Variants in PCDHA6 observed in about 807,000 individuals in gnomAD.
The protein encoded by PCDHA6 is protocadherin alpha 6, also known as protocadherin alpha-6.
A neutral mutation model predicts 60.3 loss-of-function variants in PCDHA6; 55 were observed. The observed-to-expected ratio is 0.91, with a 90% CI of 0.73 to 1.14. PCDHA6 has a LOEUF of 1.14. PCDHA6 is among the 50% of genes most tolerant of loss of function. The pLI is 0.00. For missense variants in PCDHA6, 1,327 were observed against 1,256.5 expected, an observed-to-expected ratio of 1.06 and a Z score of -0.85; for synonymous variants, 652 against 557.9, an observed-to-expected ratio of 1.17 and a Z score of -2.38.
At chr5:140,879,237 G>C (rs999977997) in intron 1 of PCDHA6, among the ~76,000 whole-genome samples, 14 of 152,134 alleles carry the variant, frequency 9.2e-5, no homozygotes, top group African/African-American at 3.4e-4. Context: ...TATACAAGAG[G>C]CACTGGCAAA....
rs2150184866 is a variant in PCDHA6, at chr5:140,830,316, C to G, written c.2225C>G (p.Ser742Cys). The G allele has an allele frequency of 6.2e-7, 1 of 1,613,980 alleles. No individual in the cohort carries two copies. The highest frequency in any genetic ancestry group is 2.2e-5 in the East Asian group (1 of 44,866). Residue 742 changes from serine (S) to cysteine (C), a missense_variant, in exon 1 of 4, where the codon TCC becomes TGC. Ser to Cys is a moderately radical substitution (Grantham distance 112, BLOSUM62 -1). Transcript: ENST00000529310. ...GCGGACAAGCCCACGCTGGTGTGCT[C>G]CAGCGCAGTGGGGAGCTGGTCGTAC... ...CTADKPTLVC[S>C]SAVGSWSYSQ...
intron 1 of PCDHA6, among the ~76,000 whole-genome samples, chr5:140,885,444 T>C (rs2060598536): frequency 1.3e-5 from 2 of 152,198 alleles, no homozygotes; most frequent in South Asian, 2.1e-4. Flanking sequence ...TGCAATTATA[T>C]ATTATTTACC....
At chr5:140,877,925 T>C in intron 1 of PCDHA6, 1 of 1,421,700 alleles carries the variant, frequency 7.0e-7, no homozygotes, top group Non-Finnish European at 9.2e-7. Flanking sequence ...TTTTTCTTTA[T>C]GATTCTATCC....
chr5:140,851,773 T>C lies in PCDHA6; in HGVS notation c.2394+21288T>C. On this transcript the variant is annotated intron_variant, in intron 1 of 3. Transcript: ENST00000529310. ...TAACTTAAAACATTACCCTTATGAA[T>C]TTAGATGAGAATTCACTTGTTCTGT... 11 of 967,796 alleles carry C rather than the reference T, an allele frequency of 1.1e-5. 2 individuals carry two copies. The highest frequency in any genetic ancestry group is 1.4e-5 in the Non-Finnish European group (11 of 800,744). The allele number at this position is 967,796 out of a possible 1,614,324, so 60.0% of individuals were successfully genotyped here.
intron 1 of PCDHA6, among the ~76,000 whole-genome samples, chr5:140,925,937 C>T (rs1244990026): frequency 1.4e-5 from 2 of 138,450 alleles, no homozygotes; most frequent in East Asian, 3.9e-4. Flanking sequence ...AGTAGAGCCT[C>T]TTGGAGAAGG....
chr5:140,831,485 G>A (rs1771542804), intron 1 of PCDHA6, among the ~76,000 whole-genome samples: 1 of 82,564 alleles, frequency 1.2e-5, no homozygotes, highest in Non-Finnish European at 2.3e-5. Flanking sequence ...TCAGCCTCTG[G>A]AGTTACTACA....
intron 1 of PCDHA6, chr5:140,969,174 G>A (rs777458792): frequency 6.2e-7 from 1 of 1,614,076 alleles, no homozygotes; most frequent in South Asian, 1.1e-5. Flanking sequence ...GGCTCAGGGA[G>A]TGACACTTTC....
intron 1 of PCDHA6, chr5:140,850,814 C>T: frequency 6.3e-7 from 1 of 1,598,286 alleles, no homozygotes; most frequent in South Asian, 1.1e-5. Context: ...TGGCCTTCAG[C>T]CCGGGCCTTT....
intron 1 of PCDHA6, among the ~76,000 whole-genome samples, chr5:140,923,820 CG>C (rs1297703305): frequency 6.6e-6 from 1 of 152,106 alleles, no homozygotes; most frequent in Non-Finnish European, 1.5e-5. Flanking sequence ...TGAAAATAGA[CG>C]TCAGTGGCAG....
intron 1 of PCDHA6, chr5:140,856,365 A>C: frequency 3.1e-6 from 5 of 1,598,426 alleles, no homozygotes; most frequent in Non-Finnish European, 2.6e-6. Flanking sequence ...ATCCACCTGG[A>C]GGTGATCGTG....
At chr5:140,968,041 C>T (rs1554230247) in intron 1 of PCDHA6, 1 of 1,614,140 alleles carries the variant, frequency 6.2e-7, no homozygotes, top group Non-Finnish European at 8.5e-7. Context: ...TGGTGAGCGG[C>T]CCACTGGACC....
At chr5:140,967,671 A>G in intron 1 of PCDHA6, 1 of 1,614,130 alleles carries the variant, frequency 6.2e-7, no homozygotes, top group Non-Finnish European at 8.5e-7. Context: ...TACACGTCGG[A>G]CCGGGAGAGG....
intron 3 of PCDHA6, among the ~76,000 whole-genome samples, chr5:140,985,169 C>G (rs1169892350): frequency 6.6e-6 from 1 of 152,122 alleles, no homozygotes; most frequent in Non-Finnish European, 1.5e-5. Flanking sequence ...AATCTCCTGA[C>G]CTCGTAATCC....
chr5:140,857,255 T>C (rs1307623486), intron 1 of PCDHA6: 1 of 1,598,356 alleles, frequency 6.3e-7, no homozygotes, highest in Non-Finnish European at 8.6e-7. Context: ...CTACAAGAAT[T>C]ACTACTCATT....
At chr5:141,000,095 T>G (rs1299354306) in intron 3 of PCDHA6, among the ~76,000 whole-genome samples, 1 of 152,044 alleles carries the variant, frequency 6.6e-6, no homozygotes, top group Non-Finnish European at 1.5e-5. Flanking sequence ...TGAATGGAGC[T>G]CAACTCCGTC....
chr5:140,836,011 C>A (rs2150250556), intron 1 of PCDHA6: 3 of 1,613,394 alleles, frequency 1.9e-6, no homozygotes, highest in Non-Finnish European at 8.5e-7. Flanking sequence ...GCGGGCGTGC[C>A]GCCTCTGGGC....
chr5:140,837,669 T>C (rs1554136589), intron 1 of PCDHA6, among the ~76,000 whole-genome samples: 1 of 151,640 alleles, frequency 6.6e-6, no homozygotes, highest in African/African-American at 2.4e-5. Context: ...CTTTCATTCT[T>C]TTTCTTTTTT....
At chr5:140,997,406 C>T (rs2097769706) in intron 3 of PCDHA6, among the ~76,000 whole-genome samples, 1 of 152,094 alleles carries the variant, frequency 6.6e-6, no homozygotes, top group Admixed American at 6.6e-5. Flanking sequence ...TATCGTATGG[C>T]CTATTTCTCC....
intron 1 of PCDHA6, chr5:140,883,058 C>T (rs782098362): frequency 6.2e-7 from 1 of 1,614,074 alleles, no homozygotes; most frequent in Admixed American, 1.7e-5. Flanking sequence ...AGTGATCAAG[C>T]TAAATGCCAC....
Sources: gnomAD v4.1 joint callset for allele counts (sites outside exome capture counted in the v4.1 genomes callset) on GRCh38, gnomAD v4.1.1 for gene constraint, MANE v1.5 for transcripts, NCBI Gene and HGNC (gene_info 2026-07-23, HGNC 2026-07-21) for gene names.